SHANK2: variants seen among roughly 807,000 people sequenced by gnomAD.
SHANK2 encodes the protein SH3 and multiple ankyrin repeat domains protein 2.
SHANK2 carries 43 observed loss-of-function variants against 133.7 expected under a neutral mutation model. The ratio of observed to expected loss-of-function variants is 0.32; its 90% confidence interval spans 0.25 to 0.41. SHANK2 has a LOEUF of 0.41. Among genes scored for constraint, SHANK2 ranks in the 10% least tolerant of loss-of-function variants. The pLI is 1.00. For synonymous variants in SHANK2, 1,017 were observed against 952.8 expected (o/e 1.07, Z -1.24); for missense variants, 1,994 against 2,235.8 (o/e 0.89, Z 2.18).
chr11:70,486,802 C>G lies in SHANK2; in HGVS notation c.3491G>C (p.Ser1164Thr). 1.9e-6 allele frequency: 3 copies of G among 1,612,350 alleles called. No individual in the cohort carries two copies. Among genetic ancestry groups the G allele is most frequent in the Non-Finnish European group, 2.5e-6 (3 of 1,179,934 alleles). The stretch of plus-strand genomic sequence containing the variant: ...CGGCCTCCCAGCCTCACCCGGAGCA[C>G]TGGCCTCGGCGCCACCCACGAAATG... ...ENHFVGGAEA[S>T]APGEAGRPLN... Residue 1164 changes from serine to threonine, a missense_variant, in exon 25 of 26, where the codon AGT (serine) becomes ACT (threonine). By Grantham distance (58) the Ser-to-Thr change is moderately conservative. Around this residue, in one of 5 missense-constraint regions of SHANK2, gnomAD observed 797 missense variants for 907.4 expected, o/e 0.88. Transcript: ENST00000601538. The surrounding 1 kb of genome is among the most constrained non-coding windows in gnomAD (Gnocchi z 8.0).
intron 14 of SHANK2, among the ~76,000 whole-genome samples, chr11:70,774,770 T>C (rs1947326995): frequency 6.6e-6 from 1 of 152,152 alleles, no homozygotes; most frequent in African/African-American, 2.4e-5. Context: ...AAATTATATA[T>C]CAATTTAAGA....
chr11:71,179,752 T>A (rs1555113528), intron 2 of SHANK2, among the ~76,000 whole-genome samples: 1 of 152,208 alleles, frequency 6.6e-6, no homozygotes, highest in African/African-American at 2.4e-5. Context: ...GCAACAGGAA[T>A]ATACAGCAAT....
At chr11:70,898,849 C>A (rs980182823) in intron 10 of SHANK2, among the ~76,000 whole-genome samples, 9 of 152,184 alleles carry the variant, frequency 5.9e-5, no homozygotes, top group Non-Finnish European at 1.2e-4. Flanking sequence ...GCTGGAACAT[C>A]ACTTGATAAT....
intron 11 of SHANK2, among the ~76,000 whole-genome samples, chr11:70,838,176 G>A (rs1174366652): frequency 6.6e-6 from 1 of 152,060 alleles, no homozygotes; most frequent in Admixed American, 6.6e-5. Context: ...ACCTGGGGCA[G>A]GGGAGGGGCC....
intron 25 of SHANK2, among the ~76,000 whole-genome samples, chr11:70,480,194 G>A (rs1182615957): frequency 2.0e-5 from 3 of 152,234 alleles, no homozygotes; most frequent in African/African-American, 7.2e-5. Flanking sequence ...GAGCACAGAA[G>A]GCACTTTCTG....
intron 21 of SHANK2, among the ~76,000 whole-genome samples, chr11:70,495,392 C>G (rs1053078741): frequency 1.3e-5 from 2 of 152,240 alleles, no homozygotes; most frequent in Non-Finnish European, 2.9e-5. Flanking sequence ...TCCCCCTTGA[C>G]TTGGGACCAG....
At chr11:71,099,980 T>G (rs1565450485) in intron 6 of SHANK2, among the ~76,000 whole-genome samples, 1 of 147,812 alleles carries the variant, frequency 6.8e-6, no homozygotes, top group African/African-American at 2.5e-5. Flanking sequence ...GCCCAGGAGG[T>G]CAAGTTTGCA....
intron 10 of SHANK2, among the ~76,000 whole-genome samples, chr11:70,910,796 G>T (rs1950179302): frequency 7.8e-6 from 1 of 127,420 alleles, no homozygotes; most frequent in African/African-American, 2.7e-5. Flanking sequence ...AATAGAGTGA[G>T]ACTCCATCTC....
At chr11:70,478,577 G>C (rs938611189) in intron 25 of SHANK2, among the ~76,000 whole-genome samples, 1 of 152,218 alleles carries the variant, frequency 6.6e-6, no homozygotes, top group African/African-American at 2.4e-5. Flanking sequence ...TAGAACCGGA[G>C]GCAGCAAGTC....
At chr11:70,875,945 T>C (rs1341179096) in intron 11 of SHANK2, among the ~76,000 whole-genome samples, 4 of 146,780 alleles carry the variant, frequency 2.7e-5, no homozygotes, top group African/African-American at 1.0e-4. Flanking sequence ...TCACCTGAGG[T>C]TGGGAGTTTG....
intron 10 of SHANK2, among the ~76,000 whole-genome samples, chr11:70,909,716 C>T (rs1950160790): frequency 6.6e-6 from 1 of 152,168 alleles, no homozygotes; most frequent in African/African-American, 2.4e-5. Flanking sequence ...TTCTCTTGCA[C>T]AGCAGCCCAG....
chr11:70,851,099 T>A (rs1432268666), intron 11 of SHANK2, among the ~76,000 whole-genome samples: 6 of 152,098 alleles, frequency 3.9e-5, no homozygotes, highest in African/African-American at 1.2e-4. Flanking sequence ...AATTCCTGAA[T>A]CCTCTCCAGG....
intron 14 of SHANK2, among the ~76,000 whole-genome samples, chr11:70,738,075 A>G (rs1440268627): frequency 6.6e-6 from 1 of 152,272 alleles, no homozygotes; most frequent in Non-Finnish European, 1.5e-5. Context: ...GACGGTGGCA[A>G]GAGCTCCCTT....
chr11:70,859,764 C>G (rs1177095411), intron 11 of SHANK2, among the ~76,000 whole-genome samples: 4 of 152,138 alleles, frequency 2.6e-5, no homozygotes, highest in Non-Finnish European at 5.9e-5. Flanking sequence ...GCTTGTTACC[C>G]ACAGATTGGT....
At chr11:70,505,615 C>T (rs2059124563) in intron 17 of SHANK2, among the ~76,000 whole-genome samples, 1 of 152,174 alleles carries the variant, frequency 6.6e-6, no homozygotes, top group African/African-American at 2.4e-5. Context: ...GAGGGGGCTC[C>T]AACCAAGAAA....
At chr11:71,110,436 TCAAA>T (rs574848819) in intron 5 of SHANK2, among the ~76,000 whole-genome samples, 12 of 151,480 alleles carry the variant, frequency 7.9e-5, no homozygotes, top group Admixed American at 5.3e-4. Context: ...AGACTCCATC[TCAAA>T]CAAACAAACA....
rs559276340 is a variant in SHANK2, at chr11:70,804,179, A to G, written c.1663+2823T>C. Among the ~76,000 whole-genome samples, 20 of 152,266 alleles carry G rather than the reference A, an allele frequency of 1.3e-4. No individual in the cohort carries two copies. The South Asian group carries it at 4.1e-3, about 32-fold the overall frequency. On this transcript the variant is annotated intron_variant, in intron 13 of 25. Coordinates refer to ENST00000601538, the MANE Select transcript of SHANK2 (RefSeq NM_012309.5). The surrounding 1 kb of genome is among the most constrained non-coding windows in gnomAD (Gnocchi z 4.1). ...CAGGCAGCTGGGTTTCCTGCCCACA[A>G]TGATTGTTCCCTTGATATCAAGGGG...
chr11:70,803,761 A>C (rs1948103103), intron 13 of SHANK2, among the ~76,000 whole-genome samples: 2 of 150,036 alleles, frequency 1.3e-5, no homozygotes, highest in African/African-American at 4.9e-5. Flanking sequence ...TCGGGAGTGG[A>C]GGGAAGAATG....
Position 71,188,092 on chromosome 11 carries a change from C to T in SHANK2, c.-13+36605G>A, listed in dbSNP as rs1330502740. Among the ~76,000 whole-genome samples, 1 of 152,208 alleles carries T rather than the reference C, an allele frequency of 6.6e-6. No homozygotes were observed. The highest frequency in any genetic ancestry group is 1.5e-5 in the Non-Finnish European group (1 of 68,038). On this transcript the variant is annotated intron_variant, in intron 2 of 25. Transcript: ENST00000601538. The surrounding 1 kb of genome is among the most constrained non-coding windows in gnomAD (Gnocchi z 4.6). ...AGACCCCACACAGTCCTTGCCACCA[C>T]ACATCTGCTCCTCCCATTAGAAACT...
Sources: allele counts gnomAD v4.1 joint callset (sites outside exome capture counted in the v4.1 genomes callset), GRCh38; gene constraint gnomAD v4.1.1; regional missense constraint gnomAD v4.1.1; non-coding constraint Gnocchi (gnomAD v3.1); transcripts MANE v1.5; gene names NCBI Gene and HGNC (gene_info 2026-07-23, HGNC 2026-07-21).